The following LPAR6 variants were observed in gnomAD, a reference collection of about 807,000 sequenced individuals.
LPAR6 encodes the protein lysophosphatidic acid receptor 6.
LPAR6 carries 17 observed loss-of-function variants against 22.0 expected under a neutral mutation model. The observed-to-expected ratio is 0.77, with a 90% CI of 0.53 to 1.16. The LOEUF is 1.16. Among genes scored for constraint, LPAR6 ranks in the 50% most tolerant of loss-of-function variants. LPAR6 has a pLI of 0.00. For synonymous variants in LPAR6, 136 were observed against 139.8 expected, an observed-to-expected ratio of 0.97 and a Z score of 0.19; for missense variants, 384 against 406.9, an observed-to-expected ratio of 0.94 and a Z score of 0.48.
chr13:48,397,592 T>C (rs1174683401), intron 1 of LPAR6, among the ~76,000 whole-genome samples: 1 of 152,148 alleles, frequency 6.6e-6, no homozygotes, highest in Non-Finnish European at 1.5e-5. Flanking sequence ...CGTATACCTA[T>C]GTAACAAACC....
At chr13:48,443,778 C>G (rs1055641349) in intron 1 of LPAR6, among the ~76,000 whole-genome samples, 6 of 152,112 alleles carry the variant, frequency 3.9e-5, no homozygotes, top group Non-Finnish European at 7.3e-5. Flanking sequence ...TGCTTTTAGA[C>G]CTGGCTATGT....
chr13:48,426,695 C>G (rs896531429), intron 1 of LPAR6: 1 of 152,218 alleles, frequency 6.6e-6, no homozygotes, highest in Non-Finnish European at 1.5e-5. Context: ...AGCAGGAACT[C>G]GAATCCTAGT....
intron 1 of LPAR6, among the ~76,000 whole-genome samples, chr13:48,396,917 G>T (rs1370927868): frequency 6.6e-6 from 1 of 152,176 alleles, no homozygotes; most frequent in Non-Finnish European, 1.5e-5. Flanking sequence ...CTGGTCATTA[G>T]AGAAATGCAA....
upstream of LPAR6, among the ~76,000 whole-genome samples, chr13:48,415,150 C>A (rs1381883826): frequency 4.7e-5 from 7 of 150,276 alleles, no homozygotes; most frequent in Middle Eastern, 3.5e-3. Flanking sequence ...TTGAATATGG[C>A]GGCATTTTCT....
chr13:48,431,456 A>G (rs1949128866), upstream of LPAR6, among the ~76,000 whole-genome samples: 1 of 152,232 alleles, frequency 6.6e-6, no homozygotes, highest in Non-Finnish European at 1.5e-5. Flanking sequence ...TGGAATTCAA[A>G]GAGACTAGCT....
intron 1 of LPAR6, among the ~76,000 whole-genome samples, chr13:48,436,379 A>G (rs1188243738): frequency 6.6e-6 from 1 of 152,204 alleles, no homozygotes; most frequent in Non-Finnish European, 1.5e-5. Flanking sequence ...GCTGTGGCTC[A>G]TGCTTGTAAT....
intron 1 of LPAR6, among the ~76,000 whole-genome samples, chr13:48,444,360 T>C (rs893047860): frequency 2.6e-5 from 4 of 151,934 alleles, no homozygotes; most frequent in African/African-American, 9.7e-5. Flanking sequence ...CTACTAAAAA[T>C]ACAAAAATTA....
intron 1 of LPAR6, among the ~76,000 whole-genome samples, chr13:48,434,697 C>T (rs1949164757): frequency 1.3e-5 from 2 of 152,148 alleles, no homozygotes; most frequent in Non-Finnish European, 2.9e-5. Flanking sequence ...ATGTATCCAC[C>T]ACCACAAGCA....
At chr13:48,443,441 A>G (rs963453996) in intron 1 of LPAR6, among the ~76,000 whole-genome samples, 1 of 152,148 alleles carries the variant, frequency 6.6e-6, no homozygotes, top group African/African-American at 2.4e-5. Flanking sequence ...CTCAAAAAAT[A>G]TTTCTAATGT....
chr13:48,410,149 G>A (rs1302673901), downstream of LPAR6, among the ~76,000 whole-genome samples: 1 of 152,202 alleles, frequency 6.6e-6, no homozygotes, highest in Non-Finnish European at 1.5e-5. Context: ...GGCCAGAAGA[G>A]TGAAGGAAAA....
At chr13:48,442,349 T>C (rs1949246100) in intron 1 of LPAR6, among the ~76,000 whole-genome samples, 1 of 152,090 alleles carries the variant, frequency 6.6e-6, no homozygotes, top group Non-Finnish European at 1.5e-5. Context: ...TACAGGCGCA[T>C]GCAACCATGC....
chr13:48,429,807 A>G (rs35907912), upstream of LPAR6, among the ~76,000 whole-genome samples: 1 of 152,352 alleles, frequency 6.6e-6, no homozygotes, highest in Admixed American at 6.5e-5. Flanking sequence ...TATTCAATTT[A>G]CAGCAATAAC....
chr13:48,439,444 T>C (rs1234277423), intron 1 of LPAR6, among the ~76,000 whole-genome samples: 1 of 152,150 alleles, frequency 6.6e-6, no homozygotes, highest in Non-Finnish European at 1.5e-5. Context: ...ATCATAGTTA[T>C]CGAAATCAGG....
chr13:48,430,411 C>T (rs1949117004), upstream of LPAR6, among the ~76,000 whole-genome samples: 1 of 152,008 alleles, frequency 6.6e-6, no homozygotes, highest in Non-Finnish European at 1.5e-5. Context: ...AAAATGACTC[C>T]ATATAAGTTC....
At chr13:48,402,970 T>C (rs2138183490) in intron 1 of LPAR6, among the ~76,000 whole-genome samples, 1 of 152,292 alleles carries the variant, frequency 6.6e-6, no homozygotes, top group African/African-American at 2.4e-5. Context: ...TAAAGTACTA[T>C]ATATAAAACC....
chr13:48,399,192 G>A (rs550890823), intron 1 of LPAR6, among the ~76,000 whole-genome samples: 2 of 152,052 alleles, frequency 1.3e-5, no homozygotes, highest in East Asian at 1.9e-4. Context: ...GATTGTTTTC[G>A]TAGACTGAAA....
rs189480175 is a variant in LPAR6 at position 48,419,952 on chromosome 13, C to A, written c.-953-2632G>T. Among the ~76,000 whole-genome samples, 62 of 152,246 alleles carry A rather than the reference C, an allele frequency of 4.1e-4. No homozygotes were observed. In the Middle Eastern group the frequency reaches 0.01, roughly 25 times the overall value. ...AGATGGATTCACAGCTGAATTCTGCCAGAGGTACAAGGAGGAGCTGGTACT... is the reference window on the plus strand; with the variant it reads ...AGATGGATTCACAGCTGAATTCTGCAAGAGGTACAAGGAGGAGCTGGTACT... On this transcript the variant is annotated intron_variant, in intron 2 of 4. Transcript: ENST00000345941.
At chr13:48,420,188 A>G (rs1435438261) in intron 2 of LPAR6, among the ~76,000 whole-genome samples, 1 of 152,210 alleles carries the variant, frequency 6.6e-6, no homozygotes, top group Non-Finnish European at 1.5e-5. Flanking sequence ...CTTATCCACC[A>G]CAAACAAGTC....
At chr13:48,422,375 G>T (rs756360021) in intron 2 of LPAR6, among the ~76,000 whole-genome samples, 1 of 152,092 alleles carries the variant, frequency 6.6e-6, no homozygotes, top group Non-Finnish European at 1.5e-5. Context: ...CGGGGTTGGG[G>T]GTTAGAGGAG....
Sources: allele counts gnomAD v4.1 joint callset (sites outside exome capture counted in the v4.1 genomes callset), GRCh38; gene constraint gnomAD v4.1.1; transcripts MANE v1.5; gene names NCBI Gene and HGNC (gene_info 2026-07-23, HGNC 2026-07-21).